GTF2H5: variants seen among roughly 807,000 people sequenced by gnomAD.
GTF2H5 encodes the protein TFB5 ortholog.
A neutral mutation model predicts 7.1 loss-of-function variants in GTF2H5; 5 were observed. That is an observed-to-expected ratio of 0.71 (90% confidence interval 0.37 to 1.49). GTF2H5 has a LOEUF of 1.49. GTF2H5 is among the 40% of genes most tolerant of loss of function. The probability of loss-of-function intolerance (pLI) is 0.03; values close to 1 mark genes in which losing one functional copy is unlikely to be tolerated. For missense variants in GTF2H5, 80 were observed against 83.0 expected (o/e 0.96, Z 0.14); for synonymous variants, 30 against 31.7 (o/e 0.95, Z 0.18).
chr6:158,186,579 C>T (rs1163260865), intron 2 of GTF2H5, among the ~76,000 whole-genome samples: 1 of 152,246 alleles, frequency 6.6e-6, no homozygotes, highest in Non-Finnish European at 1.5e-5. Context: ...AGACAAGTCT[C>T]AATCAATTTT....
intron 2 of GTF2H5, among the ~76,000 whole-genome samples, chr6:158,174,896 A>AT (rs1785908032): frequency 6.6e-6 from 1 of 152,172 alleles, no homozygotes; most frequent in South Asian, 2.1e-4. Context: ...TGGCAAAACC[A>AT]GTCTAACCAT....
At chr6:158,177,962 G>T (rs1390839997) in intron 2 of GTF2H5, among the ~76,000 whole-genome samples, 1 of 152,144 alleles carries the variant, frequency 6.6e-6, no homozygotes. Flanking sequence ...TCTTAATCCA[G>T]TCTATCATTG....
chr6:158,172,265 G>A (rs1451285754), intron 2 of GTF2H5, among the ~76,000 whole-genome samples: 1 of 151,266 alleles, frequency 6.6e-6, no homozygotes, highest in Admixed American at 6.6e-5. Context: ...CATTCATCTA[G>A]AATTTATTCA....
chr6:158,185,836 A>C (rs1282437398), intron 2 of GTF2H5, among the ~76,000 whole-genome samples: 1 of 152,040 alleles, frequency 6.6e-6, no homozygotes, highest in Non-Finnish European at 1.5e-5. Context: ...CTACAAAAAA[A>C]TACAAAAAAA....
At chr6:158,186,006 A>T (rs1038877162) in intron 2 of GTF2H5, among the ~76,000 whole-genome samples, 1 of 152,208 alleles carries the variant, frequency 6.6e-6, no homozygotes, top group African/African-American at 2.4e-5. Flanking sequence ...AAAAATAAAG[A>T]GAGCAAAAAA....
At chr6:158,182,063 A>G (rs1300455439) in intron 2 of GTF2H5, among the ~76,000 whole-genome samples, 2 of 152,206 alleles carry the variant, frequency 1.3e-5, no homozygotes, top group African/African-American at 4.8e-5. Flanking sequence ...CTTGTAAGAC[A>G]GGCCTGATGG....
At chr6:158,175,113 T>C (rs1785916918) in intron 2 of GTF2H5, among the ~76,000 whole-genome samples, 1 of 151,922 alleles carries the variant, frequency 6.6e-6, no homozygotes, top group African/African-American at 2.4e-5. Flanking sequence ...GAATAAATTT[T>C]GTTAACAGAA....
intron 2 of GTF2H5, among the ~76,000 whole-genome samples, chr6:158,176,839 A>G (rs540607001): frequency 6.6e-6 from 1 of 152,362 alleles, no homozygotes; most frequent in East Asian, 1.9e-4. Flanking sequence ...AGTATTCCTT[A>G]TGGGAAACAA....
At chr6:158,181,013 CT>C (rs1424122279) in intron 2 of GTF2H5, among the ~76,000 whole-genome samples, 1 of 152,070 alleles carries the variant, frequency 6.6e-6, no homozygotes, top group African/African-American at 2.4e-5. Flanking sequence ...GCATTTAGTG[CT>C]ATGAATTTCC....
chr6:158,169,591 T>C (rs374465679), intron 1 of GTF2H5, among the ~76,000 whole-genome samples: 20 of 85,242 alleles, frequency 2.3e-4, no homozygotes, highest in South Asian at 3.3e-4. Context: ...ATATAATATA[T>C]TGTATATTAC....
rs1401988317 is a variant in GTF2H5 at position 158,169,569 on chromosome 6, A to AC, written c.-34-901_-34-900insC. Among the ~76,000 whole-genome samples the AC allele has an allele frequency of 5.1e-4, 45 of 88,264 alleles. 4 individuals carry two copies. The highest frequency in any genetic ancestry group is 5.8e-4 in the Non-Finnish European group (29 of 50,360). The allele number at this position is 88,264 out of a possible 152,430, so 57.9% of individuals were successfully genotyped here. On this transcript the variant is annotated intron_variant, in intron 1 of 2. Transcript: ENST00000607778. ...ATATACTGTATATTATATATAATAT[A>AC]TTGTATATTATATATAATATATTGT...
intron 1 of GTF2H5, among the ~76,000 whole-genome samples, chr6:158,169,535 TTA>T (rs1173293373): frequency 1.6e-4 from 13 of 83,734 alleles, no homozygotes; most frequent in Non-Finnish European, 2.3e-4. Flanking sequence ...ATACAGTATA[TTA>T]TATATAATAT....
rs954141516 is a variant in GTF2H5, at chr6:158,198,954, T to G, written c.*6797T>G. On this transcript the variant is annotated 3_prime_UTR_variant, in exon 3 of 3. Coordinates refer to ENST00000607778, the MANE Select transcript of GTF2H5 (RefSeq NM_207118.3). ...TGCTTTGGGGAGAATTCTTTTGACG[T>G]TTTTGAATAAGCTGTTAACAACTTT... The G allele has an allele frequency of 6.6e-6, 1 of 152,228 alleles. No homozygotes were observed. Among genetic ancestry groups the G allele is most frequent in the African/African-American group, 2.4e-5 (1 of 41,458 alleles). The allele number at this position is 152,228 out of a possible 1,614,324, so 9.4% of individuals were successfully genotyped here. A position where few individuals can be genotyped will look rare whatever the true frequency, so the allele number is the denominator to read the frequency against.
chr6:158,169,773 A>ATATATTGTATATTATATATTG (rs1785815852), intron 1 of GTF2H5, among the ~76,000 whole-genome samples: 2 of 83,960 alleles, frequency 2.4e-5, no homozygotes, highest in Non-Finnish European at 4.4e-5. Flanking sequence ...ATTATATATA[A>ATATATTGTATATTATATATTG]TATATTGTAT....
chr6:158,175,072 A>G (rs908452154), intron 2 of GTF2H5, among the ~76,000 whole-genome samples: 10 of 116,746 alleles, frequency 8.6e-5, no homozygotes, highest in Non-Finnish European at 1.3e-4. Context: ...ATACACATAT[A>G]TAGATATGGC....
At chr6:158,169,628 T>TTGTGTATTATATAA (rs1785773510) in intron 1 of GTF2H5, among the ~76,000 whole-genome samples, 3 of 88,936 alleles carry the variant, frequency 3.4e-5, no homozygotes, top group Non-Finnish European at 5.5e-5. Flanking sequence ...ATATAATATA[T>TTGTGTATTATATAA]TGTATATTAC....
intron 2 of GTF2H5, among the ~76,000 whole-genome samples, chr6:158,173,665 C>A (rs1281558568): frequency 6.6e-6 from 1 of 152,080 alleles, no homozygotes; most frequent in Non-Finnish European, 1.5e-5. Flanking sequence ...AATTGAGGCT[C>A]AGCCCTGGAA....
intron 2 of GTF2H5, among the ~76,000 whole-genome samples, chr6:158,188,032 G>T (rs111930401): frequency 6.6e-6 from 1 of 152,196 alleles, no homozygotes; most frequent in Admixed American, 6.5e-5. Context: ...GTTGGCAGAT[G>T]GGGGGTGGGG....
At chr6:158,188,211 G>A (rs142178674) in intron 2 of GTF2H5, among the ~76,000 whole-genome samples, 82 of 152,218 alleles carry the variant, frequency 5.4e-4, no homozygotes, top group Middle Eastern at 6.8e-3. Context: ...TAATTGTAGA[G>A]CACTGAAGTC....
Sources: gnomAD v4.1 joint callset for allele counts (sites outside exome capture counted in the v4.1 genomes callset) on GRCh38, gnomAD v4.1.1 for gene constraint, MANE v1.5 for transcripts, NCBI Gene and HGNC (gene_info 2026-07-23, HGNC 2026-07-21) for gene names.